The following CCNH variants were observed in gnomAD, a reference collection of about 807,000 sequenced individuals.
CCNH encodes cyclin H.
Under a neutral mutation model 41.9 loss-of-function variants are expected in CCNH, and 31 were observed. That is an observed-to-expected ratio of 0.74 (90% confidence interval 0.56 to 1.00). The LOEUF is 1.00. Ranked by LOEUF, CCNH falls within the 50% of genes least tolerant of loss-of-function variation. CCNH has a pLI of 0.00. For missense variants in CCNH, 362 were observed against 388.4 expected (o/e 0.93, Z 0.57); for synonymous variants, 138 against 136.1 (o/e 1.01, Z -0.10).
chr5:87,323,319 A>T (rs183560646), intron 9 of CCNH, among the ~76,000 whole-genome samples: 2 of 152,284 alleles, frequency 1.3e-5, no homozygotes, highest in Non-Finnish European at 2.9e-5. Flanking sequence ...ATAGGAGCTT[A>T]AAAAAATCTT....
At chr5:87,349,175 T>G (rs1338156882) in intron 9 of CCNH, 1 of 1,604,588 alleles carries the variant, frequency 6.2e-7, no homozygotes, top group Admixed American at 1.7e-5. Context: ...TCTTTTTTAT[T>G]TGATAATTAG....
chr5:87,324,580 A>G (rs147586255), intron 9 of CCNH, among the ~76,000 whole-genome samples: 6 of 152,306 alleles, frequency 3.9e-5, no homozygotes, highest in African/African-American at 1.4e-4. Flanking sequence ...ACCTGTTGAA[A>G]AAGGAAACAG....
exon 1 of CCNH, chr5:87,376,499 G>C (rs1761337058): frequency 6.2e-7 from 1 of 1,613,918 alleles, no homozygotes; most frequent in Admixed American, 1.7e-5. Flanking sequence ...CAGGGTCCCT[G>C]CGTGTTCGAG....
chr5:87,358,327 C>A (rs950612131), intron 9 of CCNH, among the ~76,000 whole-genome samples: 1 of 152,282 alleles, frequency 6.6e-6, no homozygotes, highest in South Asian at 2.1e-4. Flanking sequence ...GTTTTTTATA[C>A]ATATTCATTC....
chr5:87,313,498 A>C (rs1228330914), downstream of CCNH, among the ~76,000 whole-genome samples: 1 of 152,210 alleles, frequency 6.6e-6, no homozygotes, highest in Non-Finnish European at 1.5e-5. Context: ...GAATTTCCAC[A>C]TAGGCAGGAC....
intron 9 of CCNH, among the ~76,000 whole-genome samples, chr5:87,349,964 AT>A (rs1490503910): frequency 6.6e-6 from 1 of 151,898 alleles, no homozygotes; most frequent in Non-Finnish European, 1.5e-5. Flanking sequence ...AATAATCTTC[AT>A]TTGTGAACGT....
downstream of CCNH, chr5:87,372,262 T>G (rs1761003623): frequency 7.0e-7 from 1 of 1,431,418 alleles, no homozygotes; most frequent in Non-Finnish European, 9.8e-7. Context: ...CTTTTTATTT[T>G]ATTTTTATCT....
intron 9 of CCNH, among the ~76,000 whole-genome samples, chr5:87,351,436 G>A (rs1337784444): frequency 6.6e-6 from 1 of 151,644 alleles, no homozygotes. Context: ...GGAAGACAAT[G>A]GATTTTGGCT....
chr5:87,359,245 T>A (rs1188738837), intron 9 of CCNH, among the ~76,000 whole-genome samples: 1 of 152,158 alleles, frequency 6.6e-6, no homozygotes, highest in Non-Finnish European at 1.5e-5. Flanking sequence ...CTTACACATG[T>A]AACTTCTAGG....
In CCNH at chr5:87,408,191, A is replaced by G; in HGVS notation, c.315-5T>C. On this transcript the variant is annotated splice_region_variant and splice_polypyrimidine_tract_variant and intron_variant, in intron 3 of 8. Transcript: ENST00000256897. ...GCCAAAAATGCACAAGTGAGCCTAGAGGAAAAAATAAGGAGGCAGGAGGCA... is the reference window on the plus strand; with the variant it reads ...GCCAAAAATGCACAAGTGAGCCTAGGGGAAAAAATAAGGAGGCAGGAGGCA... 7.3e-7 allele frequency: 1 copy of G among 1,375,638 alleles called. No individual in the cohort carries two copies. The highest frequency in any genetic ancestry group is 9.8e-7 in the Non-Finnish European group (1 of 1,016,832). 85.2% of individuals were successfully genotyped at this position (1,375,638 alleles called of 1,614,324 possible). A position where few individuals can be genotyped will look rare whatever the true frequency, so the allele number is the denominator to read the frequency against.
At chr5:87,353,680 A>G (rs1413304755) in intron 9 of CCNH, among the ~76,000 whole-genome samples, 2 of 151,880 alleles carry the variant, frequency 1.3e-5, no homozygotes, top group African/African-American at 4.8e-5. Flanking sequence ...ATGTCTGTAT[A>G]CTCTGAGTGA....
intron 9 of CCNH, chr5:87,353,159 T>C (rs201287544): frequency 7.5e-6 from 12 of 1,606,920 alleles, no homozygotes; most frequent in African/African-American, 1.3e-5. Flanking sequence ...TTTAACAGCA[T>C]TGGGGACATC....
intron 9 of CCNH, among the ~76,000 whole-genome samples, chr5:87,384,035 A>G (rs1761906955): frequency 6.6e-6 from 1 of 151,614 alleles, no homozygotes; most frequent in Non-Finnish European, 1.5e-5. Context: ...TTCTACCCCT[A>G]TTTGTGTCTC....
intron 9 of CCNH, chr5:87,369,933 T>C: frequency 6.6e-7 from 1 of 1,522,084 alleles, no homozygotes; most frequent in Non-Finnish European, 9.1e-7. Context: ...TACAGTATAC[T>C]TTTATGTTAG....
rs1158861714 is a variant in CCNH at position 87,401,017 on chromosome 5, A to G, written c.760+685T>C. Among the ~76,000 whole-genome samples, 11 of 152,242 alleles carry G rather than the reference A, an allele frequency of 7.2e-5. 1 individual carries two copies. Among genetic ancestry groups the G allele is most frequent in the Admixed American group, 6.5e-4 (10 of 15,290 alleles). ...CGCAGGGCTGTATTAGTTTCCTGAC[A>G]TTGCTATTAAAATTATCACAAAAGT... is the stretch of plus-strand genomic sequence containing the variant. On this transcript the variant is annotated intron_variant, in intron 6 of 8. Transcript: ENST00000256897.
At position 87,404,849 on chromosome 5, in the gene CCNH, C is replaced by G; in HGVS notation, c.684G>C (p.Met228Ile). ...GTTAAAAAACTAATTAATACCTTTC[C>G]ATAGTAATTCCAGCCCTGGAGGCAC... is the stretch of plus-strand genomic sequence containing the variant. Reference protein sequence around the residue: ...LSSASRAGITMESYLSESLML... With the variant: ...LSSASRAGITIESYLSESLML... Residue 228 changes from methionine to isoleucine, a missense_variant, in exon 5 of 9, where the codon ATG becomes ATC. Physicochemically the swap from Met to Ile is conservative, Grantham distance 10 (BLOSUM62 1). Coordinates refer to ENST00000256897, the MANE Select transcript of CCNH (RefSeq NM_001239.4). 1 of 1,604,068 alleles carries G rather than the reference C, an allele frequency of 6.2e-7. No individual in the cohort carries two copies. The highest frequency in any genetic ancestry group is 8.5e-7 in the Non-Finnish European group (1 of 1,176,580).
At chr5:87,411,372 G>T in intron 1 of CCNH, 26 bp from the exon 2 acceptor site, 1 of 1,575,740 alleles carries the variant, frequency 6.3e-7, no homozygotes, top group Non-Finnish European at 8.6e-7. Context: ...TACAACACAA[G>T]TTCAATGAAT....
upstream of CCNH, chr5:87,380,611 T>C: frequency 5.0e-6 from 8 of 1,588,010 alleles, no homozygotes; most frequent in Non-Finnish European, 6.1e-6. Context: ...GCTCATCAAT[T>C]GATTTGTTAA....
At chr5:87,410,928 C>A (rs1414670130) in intron 2 of CCNH, among the ~76,000 whole-genome samples, 2 of 152,144 alleles carry the variant, frequency 1.3e-5, no homozygotes, top group African/African-American at 4.8e-5. Flanking sequence ...TAGTCCCAGT[C>A]CTATGGCTCA....
Sources: allele counts gnomAD v4.1 joint callset (sites outside exome capture counted in the v4.1 genomes callset), GRCh38; gene constraint gnomAD v4.1.1; transcripts MANE v1.5; gene names NCBI Gene and HGNC (gene_info 2026-07-23, HGNC 2026-07-21).